PTN: variants seen among roughly 807,000 people sequenced by gnomAD.
PTN encodes the protein heparin affin regulatory protein.
Under a neutral mutation model 24.1 loss-of-function variants are expected in PTN, and 18 were observed. The ratio of observed to expected loss-of-function variants is 0.75; its 90% CI spans 0.52 to 1.11. The LOEUF is 1.11. Ranked by LOEUF, PTN falls within the 50% of genes least tolerant of loss-of-function variation. PTN has a pLI of 0.00. For missense variants in PTN, 163 were observed against 198.8 expected, an observed-to-expected ratio of 0.82 and a Z score of 1.08; for synonymous variants, 78 against 68.6, an observed-to-expected ratio of 1.14 and a Z score of -0.67.
At chr7:137,318,596 A>G (rs1391075728) in intron 1 of PTN, 2 of 152,362 alleles carry the variant, frequency 1.3e-5, no homozygotes, top group African/African-American at 4.8e-5. Context: ...GTAAATGTGT[A>G]TGCTGCGAAT....
intron 1 of PTN, among the ~76,000 whole-genome samples, chr7:137,278,110 A>T (rs1809396381): frequency 1.3e-5 from 2 of 151,350 alleles, no homozygotes; most frequent in Non-Finnish European, 2.9e-5. Flanking sequence ...GATCGAGACC[A>T]TCCTGGCTAA....
intron 4 of PTN, among the ~76,000 whole-genome samples, chr7:137,248,987 A>T (rs1808774705): frequency 6.6e-6 from 1 of 152,196 alleles, no homozygotes; most frequent in African/African-American, 2.4e-5. Context: ...TCAAGCTGAA[A>T]GCCTGAAACA....
At chr7:137,276,664 GTGAGTGT>G (rs1809364550) in intron 1 of PTN, among the ~76,000 whole-genome samples, 1 of 152,202 alleles carries the variant, frequency 6.6e-6, no homozygotes, top group African/African-American at 2.4e-5. Context: ...CTTCACTTGT[GTGAGTGT>G]TTTGTTTCAC....
chr7:137,274,924 T>C (rs1809337953), intron 1 of PTN, among the ~76,000 whole-genome samples: 1 of 152,212 alleles, frequency 6.6e-6, no homozygotes, highest in Non-Finnish European at 1.5e-5. Context: ...GCTTCATCAC[T>C]TCTTATATGT....
At chr7:137,290,130 C>T (rs549607185) in intron 1 of PTN, among the ~76,000 whole-genome samples, 1 of 152,128 alleles carries the variant, frequency 6.6e-6, no homozygotes, top group South Asian at 2.1e-4. Flanking sequence ...AGAGAGAGCT[C>T]CTACAGGGAA....
chr7:137,316,254 C>T (rs529175286), intron 1 of PTN, among the ~76,000 whole-genome samples: 1 of 152,304 alleles, frequency 6.6e-6, no homozygotes, highest in South Asian at 2.1e-4. Context: ...TGTTAGAAAT[C>T]AAAATTCTGA....
chr7:137,255,114 G>A, intron 1 of PTN, 140 bp from the exon 2 acceptor site: 1 of 529,146 alleles, frequency 1.9e-6, no homozygotes, highest in Non-Finnish European at 3.1e-6. Flanking sequence ...ATTATCTTGG[G>A]TAGAATTTTA....
At chr7:137,280,614 G>A (rs567039089) in intron 1 of PTN, among the ~76,000 whole-genome samples, 2 of 149,686 alleles carry the variant, frequency 1.3e-5, no homozygotes, top group South Asian at 4.2e-4. Flanking sequence ...AGCAATTTGG[G>A]AGGCCGAGGC....
chr7:137,265,241 C>A (rs142600036), intron 1 of PTN, among the ~76,000 whole-genome samples: 8 of 152,220 alleles, frequency 5.3e-5, no homozygotes, highest in African/African-American at 1.7e-4. Flanking sequence ...ACAGGAGAGT[C>A]GAAAGACCTA....
At chr7:137,302,586 C>T (rs955528267) in intron 1 of PTN, among the ~76,000 whole-genome samples, 4 of 151,964 alleles carry the variant, frequency 2.6e-5, no homozygotes, top group Admixed American at 6.6e-5. Context: ...GTCTACTCTC[C>T]ACTCTCTGGG....
chr7:137,301,574 T>TAAAA (rs35933215), intron 1 of PTN, among the ~76,000 whole-genome samples: 1 of 149,348 alleles, frequency 6.7e-6, no homozygotes, highest in African/African-American at 2.4e-5. Flanking sequence ...GTATATTAAG[T>TAAAA]AAAAAAAAAA....
At chr7:137,305,329 T>C (rs777703179) in intron 1 of PTN, among the ~76,000 whole-genome samples, 4 of 152,026 alleles carry the variant, frequency 2.6e-5, no homozygotes, top group Non-Finnish European at 4.4e-5. Flanking sequence ...CTGAGATTAG[T>C]ACACCAAAGC....
intron 4 of PTN, among the ~76,000 whole-genome samples, chr7:137,230,384 T>C (rs1808406674): frequency 6.6e-6 from 1 of 151,852 alleles, no homozygotes; most frequent in South Asian, 2.1e-4. Flanking sequence ...ATCTGTACAA[T>C]GTCAATCAAC....
chr7:137,324,417 TA>T (rs1366943397), intron 1 of PTN, among the ~76,000 whole-genome samples: 21 of 63,512 alleles, frequency 3.3e-4, no homozygotes, highest in Admixed American at 7.8e-4. Context: ...ACCCTGTCTC[TA>T]AAAAAAAAAA....
intron 1 of PTN, among the ~76,000 whole-genome samples, chr7:137,271,593 C>T (rs1041891427): frequency 5.3e-5 from 8 of 152,188 alleles, no homozygotes; most frequent in African/African-American, 1.9e-4. Context: ...TCTGGGGAGC[C>T]AAATGAGTTC....
chr7:137,238,521 G>A (rs537770466), intron 4 of PTN, among the ~76,000 whole-genome samples: 3 of 152,248 alleles, frequency 2.0e-5, no homozygotes, highest in East Asian at 1.9e-4. Flanking sequence ...ATGCTTATAC[G>A]AATGTTTAGG....
intron 4 of PTN, chr7:137,236,249 G>C: frequency 1.4e-6 from 1 of 702,180 alleles, no homozygotes; most frequent in East Asian, 2.7e-5. Flanking sequence ...TTCTCTATAA[G>C]AAGGAATTGA....
intron 1 of PTN, among the ~76,000 whole-genome samples, chr7:137,301,780 T>C (rs1331609724): frequency 2.6e-5 from 4 of 151,972 alleles, no homozygotes; most frequent in Non-Finnish European, 5.9e-5. Flanking sequence ...AGAAAAAGCA[T>C]GTTTTATCCT....
intron 1 of PTN, among the ~76,000 whole-genome samples, chr7:137,274,389 T>C (rs1201568000): frequency 6.6e-6 from 1 of 152,132 alleles, no homozygotes; most frequent in African/African-American, 2.4e-5. Flanking sequence ...ATACTTTAAG[T>C]TCTGGGGTAC....
Sources: gnomAD v4.1 joint callset for allele counts (sites outside exome capture counted in the v4.1 genomes callset) on GRCh38, gnomAD v4.1.1 for gene constraint, MANE v1.5 for transcripts, NCBI Gene and HGNC (gene_info 2026-07-23, HGNC 2026-07-21) for gene names.